MUTYH: variants seen among roughly 807,000 people sequenced by gnomAD.
The protein encoded by MUTYH is mutY DNA glycosylase.
A neutral mutation model predicts 72.9 loss-of-function variants in MUTYH; 64 were observed. The ratio of observed to expected loss-of-function variants is 0.88; its 90% CI spans 0.72 to 1.08. The LOEUF (loss-of-function observed/expected upper bound fraction) is 1.08, where lower values mean the gene tolerates loss of function less well. Ranked by LOEUF, MUTYH falls within the 50% of genes least tolerant of loss-of-function variation. MUTYH has a pLI of 0.00. For synonymous variants in MUTYH, 234 were observed against 263.1 expected (o/e 0.89, Z 1.07); for missense variants, 633 against 671.0 (o/e 0.94, Z 0.63).
chr1:45,340,212 A>G (rs1211077933), upstream of MUTYH: 12 of 1,613,634 alleles, frequency 7.4e-6, no homozygotes, highest in Admixed American at 2.0e-4. Context: ...CCGCAAGTCC[A>G]GCGTACCCAC....
chr1:45,339,377 A>AT (rs904035956), intron 1 of MUTYH, among the ~76,000 whole-genome samples: 8 of 150,926 alleles, frequency 5.3e-5, no homozygotes, highest in African/African-American at 7.3e-5. Context: ...TACCCAGCTA[A>AT]TTTTTTTTGT....
At chr1:45,339,679 A>G (rs1570572488) in intron 1 of MUTYH, 1 of 470,130 alleles carries the variant, frequency 2.1e-6, no homozygotes, top group Non-Finnish European at 3.9e-6. Context: ...TCGCTCTTAC[A>G]CCCTGGGCAG....
chr1:45,333,431 G>A lies in MUTYH; in HGVS notation c.246C>T (p.Asp82=), dbSNP rs1553130086. Reference sequence around the variant, plus strand: ...TGCCTACCCGTCTTCTCCATGGTAGGTCCCGTTTCTCTTGGTCGTACCAGC... The same window carrying A: ...TGCCTACCCGTCTTCTCCATGGTAGATCCCGTTTCTCTTGGTCGTACCAGC... The part of the protein sequence containing the change: ...LLSWYDQEKR[D]LPWRRRAEDE... The change falls in exon 3 of 16, where the codon GAC becomes GAT. Residue 82 remains aspartate, a synonymous_variant. Coordinates refer to ENST00000456914, the MANE Select transcript of MUTYH (RefSeq NM_001048174.2). The A allele has an allele frequency of 6.2e-7, 1 of 1,614,204 alleles. No individual in the cohort carries two copies. The highest frequency in any genetic ancestry group is 8.5e-7 in the Non-Finnish European group (1 of 1,180,030).
In MUTYH at chr1:45,331,666, T is replaced by C. The variant is rs1553126299; in HGVS notation, c.1097A>G (p.Asn366Ser). 2 of 1,613,902 alleles carry C rather than the reference T, an allele frequency of 1.2e-6. No individual in the cohort carries two copies. Among genetic ancestry groups the C allele is most frequent in the Non-Finnish European group, 1.7e-6 (2 of 1,180,028 alleles). The change falls in exon 12 of 16, where the codon AAC becomes AGC. Residue 366 changes from asparagine (N) to serine (S), a missense_variant. Transcript: ENST00000456914. ...CACGCCCAGTATCCAGGTACCTGAGTTGGGCCTCTGCACCAGCAGAATTTG... is the reference window on the plus strand; with the variant it reads ...CACGCCCAGTATCCAGGTACCTGAGCTGGGCCTCTGCACCAGCAGAATTTG... ...GAQILLVQRP[N>S]SGLLAGLWEF...
intron 15 of MUTYH, among the ~76,000 whole-genome samples, chr1:45,329,667 C>T (rs1342510727): frequency 6.6e-6 from 1 of 152,168 alleles, no homozygotes; most frequent in Non-Finnish European, 1.5e-5. Context: ...CCTCTCTCCT[C>T]CACCTAAAAT....
intron 1 of MUTYH, among the ~76,000 whole-genome samples, chr1:45,339,058 C>A (rs1245252744): frequency 1.3e-5 from 2 of 152,108 alleles, no homozygotes; most frequent in Non-Finnish European, 2.9e-5. Flanking sequence ...CCACTGCGCC[C>A]GGCCCAAGCA....
At position 45,333,119 on chromosome 1, in the gene MUTYH, T is replaced by C. The variant is rs771641237; in HGVS notation, c.356A>G (p.Asn119Ser). Reference protein sequence around the residue: ...LQQTQVATVINYYTGWMQKWP... With the variant: ...LQQTQVATVISYYTGWMQKWP... ...CACCTGCATCCATCCGGTATAGTAG[T>C]TGATCACAGTGGCAACCTGGGTCTG... The change falls in exon 5 of 16, where the codon AAC becomes AGC. Residue 119 changes from asparagine to serine, a missense_variant. By Grantham distance (46) the Asn-to-Ser change is conservative. Transcript: ENST00000456914. 5.6e-6 allele frequency: 9 copies of C among 1,614,038 alleles called. No homozygotes were observed. In the African/African-American group the frequency reaches 8.0e-5, roughly 14 times the overall value.
At chr1:45,335,139 T>C (rs1056912708) in intron 1 of MUTYH, among the ~76,000 whole-genome samples, 3 of 152,180 alleles carry the variant, frequency 2.0e-5, no homozygotes, top group East Asian at 1.9e-4. Flanking sequence ...CTAACTGTTA[T>C]AATGGCCGCC....
intron 1 of MUTYH, among the ~76,000 whole-genome samples, chr1:45,335,470 C>A (rs1027588548): frequency 2.6e-5 from 4 of 151,842 alleles, no homozygotes; most frequent in East Asian, 1.9e-4. Context: ...AAAAAAAAAA[C>A]CAACTTCAAA....
intron 1 of MUTYH, 81 bp downstream of exon 1, chr1:45,339,818 T>A: frequency 7.6e-7 from 1 of 1,310,904 alleles, no homozygotes; most frequent in Non-Finnish European, 1.0e-6. Context: ...CTAGTCTAAC[T>A]CCTGGGCGTG....
intron 1 of MUTYH, among the ~76,000 whole-genome samples, chr1:45,334,809 T>A (rs1242140942): frequency 6.6e-6 from 1 of 152,202 alleles, no homozygotes; most frequent in African/African-American, 2.4e-5. Flanking sequence ...GGAGCATTTG[T>A]GTATCTCTGA....
chr1:45,337,493 CTTT>C (rs1255284252), intron 1 of MUTYH, among the ~76,000 whole-genome samples: 1 of 152,004 alleles, frequency 6.6e-6, no homozygotes, highest in Non-Finnish European at 1.5e-5. Context: ...TTTCTTTTCT[CTTT>C]TTTTCTCCCT....
In MUTYH at chr1:45,329,449, T is replaced by C; in HGVS notation, c.1435-12A>G. The stretch of plus-strand genomic sequence containing the variant: ...GACCTTTTGGAACCCTGTGAAAAAA[T>C]GGAAGGAGGGAGGCCTTGTAGTTGG... On this transcript the variant is annotated splice_polypyrimidine_tract_variant and intron_variant, in intron 15 of 15. Coordinates refer to ENST00000456914, the MANE Select transcript of MUTYH (RefSeq NM_001048174.2). 1 of 1,613,618 alleles carries C rather than the reference T, an allele frequency of 6.2e-7. No individual in the cohort carries two copies.
At position 45,333,288 on chromosome 1, in the gene MUTYH, C is replaced by T. The variant is rs1553129798; in HGVS notation, c.301G>A (p.Ala101Thr). The change falls in exon 4 of 16, where the codon GCT (alanine) becomes ACT (threonine). Residue 101 changes from alanine (A) to threonine (T), a missense_variant. Coordinates refer to ENST00000456914, the MANE Select transcript of MUTYH (RefSeq NM_001048174.2). ...DEMDLDRRAY[A>T]VWVSEVMLQQ... ...TGCTCTCAGGAGATGTACTGACCAG[C>T]ATATGCCCGCCTGTCCAGGTCCATC... 1 of 1,614,236 alleles carries T rather than the reference C, an allele frequency of 6.2e-7. No individual in the cohort carries two copies. Among genetic ancestry groups the T allele is most frequent in the Non-Finnish European group, 8.5e-7 (1 of 1,180,036 alleles).
chr1:45,331,595 C>G, intron 12 of MUTYH, 39 bp from the exon 13 acceptor site: 1 of 1,613,350 alleles, frequency 6.2e-7, no homozygotes, highest in Non-Finnish European at 8.5e-7. Context: ...CAGGCCTCAG[C>G]TGCCGATTCC....
intron 1 of MUTYH, among the ~76,000 whole-genome samples, chr1:45,338,910 C>A (rs190005286): frequency 6.6e-6 from 1 of 151,962 alleles, no homozygotes; most frequent in Non-Finnish European, 1.5e-5. Context: ...ACTACAGGTG[C>A]GCACCACCAT....
At chr1:45,340,243 G>C, upstream of MUTYH, 1 of 1,613,818 alleles carries the variant, frequency 6.2e-7, no homozygotes. Flanking sequence ...GGCGGGAGAC[G>C]AGCGGTGTCA....
intron 1 of MUTYH, among the ~76,000 whole-genome samples, chr1:45,336,297 ACATAGCAAGACCCCGT>A (rs1645874663): frequency 6.6e-6 from 1 of 152,240 alleles, no homozygotes; most frequent in African/African-American, 2.4e-5. Context: ...TAGGCTTGCA[ACATAGCAAGACCCCGT>A]CTCTACAAAA....
chr1:45,339,063 C>G (rs1464552381), intron 1 of MUTYH, among the ~76,000 whole-genome samples: 1 of 149,502 alleles, frequency 6.7e-6, no homozygotes, highest in African/African-American at 2.5e-5. Context: ...GCGCCCGGCC[C>G]AAGCAGTTCT....
Sources: gnomAD v4.1 joint callset for allele counts (sites outside exome capture counted in the v4.1 genomes callset) on GRCh38, gnomAD v4.1.1 for gene constraint, MANE v1.5 for transcripts, NCBI Gene and HGNC (gene_info 2026-07-23, HGNC 2026-07-21) for gene names.